CLSTN2: variants seen among roughly 807,000 people sequenced by gnomAD.
The protein encoded by CLSTN2 is calsyntenin 2.
A neutral mutation model predicts 101.2 loss-of-function variants in CLSTN2; 48 were observed. That is an observed-to-expected ratio of 0.47 (90% confidence interval 0.38 to 0.60). CLSTN2 has a LOEUF of 0.60. Among genes scored for constraint, CLSTN2 ranks in the 20% least tolerant of loss-of-function variants. The pLI is 0.00. For synonymous variants in CLSTN2, 481 were observed against 463.6 expected (o/e 1.04, Z -0.48); for missense variants, 1,160 against 1,238.2 (o/e 0.94, Z 0.95).
chr3:140,373,341 T>C (rs563747794), intron 2 of CLSTN2, among the ~76,000 whole-genome samples: 16 of 152,316 alleles, frequency 1.1e-4, no homozygotes, highest in African/African-American at 3.6e-4. Context: ...TAGAGAAAGA[T>C]GGCCTCTTCC....
rs932034256 is a variant in CLSTN2, at chr3:140,566,073, T to C, written c.2688T>C (p.His896=). 5 of 1,613,540 alleles carry C rather than the reference T, an allele frequency of 3.1e-6. No homozygotes were observed. The Admixed American group carries it at 6.7e-5, about 22-fold the overall frequency. The part of the protein sequence containing the change: ...NPMEKHEGPG[H]GEDETEGEEE... The stretch of plus-strand genomic sequence containing the variant: ...TCCAGAAACATGAAGGACCAGGGCA[T>C]GGGGAAGATGAGACTGAGGGAGAAG... The change falls in exon 17 of 17, where the codon CAT becomes CAC. Residue 896 remains histidine (H), a synonymous_variant. Transcript: ENST00000458420.
intron 2 of CLSTN2, among the ~76,000 whole-genome samples, chr3:140,274,978 C>G (rs930851057): frequency 2.6e-5 from 4 of 152,168 alleles, no homozygotes; most frequent in Admixed American, 6.5e-5. Context: ...CTTTGGAAGA[C>G]AGCTTTTGGG....
chr3:140,058,780 CAA>C (rs34697359), intron 1 of CLSTN2, among the ~76,000 whole-genome samples: 44 of 118,616 alleles, frequency 3.7e-4, no homozygotes, highest in Admixed American at 6.2e-4. Flanking sequence ...GGACCCATGA[CAA>C]AAAAAAAAAA....
chr3:140,274,715 A>C (rs1442555176), intron 2 of CLSTN2, among the ~76,000 whole-genome samples: 1 of 152,144 alleles, frequency 6.6e-6, no homozygotes, highest in Non-Finnish European at 1.5e-5. Flanking sequence ...TCTGGGCTCG[A>C]GAGGCAGTGG....
chr3:140,436,350 G>A (rs181477114), intron 5 of CLSTN2, among the ~76,000 whole-genome samples: 7 of 152,128 alleles, frequency 4.6e-5, no homozygotes, highest in Admixed American at 6.6e-5. Flanking sequence ...TGTCTTTTCC[G>A]CAGTGTATGT....
chr3:140,460,779 T>C (rs1265584984), intron 7 of CLSTN2, among the ~76,000 whole-genome samples: 1 of 152,194 alleles, frequency 6.6e-6, no homozygotes, highest in Non-Finnish European at 1.5e-5. Flanking sequence ...TTCTACAATT[T>C]CCCATTTCAA....
intron 1 of CLSTN2, among the ~76,000 whole-genome samples, chr3:140,122,926 C>T (rs993271057): frequency 7.9e-5 from 12 of 151,968 alleles, no homozygotes; most frequent in African/African-American, 2.9e-4. Flanking sequence ...GGCCATTGGG[C>T]CAAAGTTTGT....
At chr3:140,530,026 T>C (rs1422741509) in intron 8 of CLSTN2, among the ~76,000 whole-genome samples, 17 of 152,214 alleles carry the variant, frequency 1.1e-4, no homozygotes, top group Admixed American at 1.1e-3. Context: ...ATAATATGTA[T>C]CAAGAGTCTT....
In CLSTN2 at chr3:140,002,507, G is replaced by T. The variant is rs112992961; in HGVS notation, c.109+67024G>T. ...TGCAAATATTTTCTGCCATTATGTG[G>T]GTTGTCTCTTCATTTTGTTTATTGT... On this transcript the variant is annotated intron_variant, in intron 1 of 16. Coordinates refer to ENST00000458420, the MANE Select transcript of CLSTN2 (RefSeq NM_022131.3). Among the ~76,000 whole-genome samples the T allele has an allele frequency of 2.0e-3, 303 of 152,124 alleles. 1 individual carries two copies. Among genetic ancestry groups the T allele is most frequent in the African/African-American group, 6.8e-3 (283 of 41,500 alleles).
chr3:139,984,873 C>G (rs1310907304), intron 1 of CLSTN2, among the ~76,000 whole-genome samples: 1 of 152,180 alleles, frequency 6.6e-6, no homozygotes, highest in Non-Finnish European at 1.5e-5. Context: ...AAACAGAATG[C>G]TTCTTCCCCT....
At chr3:140,132,216 G>T (rs554020702) in intron 1 of CLSTN2, among the ~76,000 whole-genome samples, 1 of 152,158 alleles carries the variant, frequency 6.6e-6, no homozygotes, top group African/African-American at 2.4e-5. Context: ...ACTTTAAGGG[G>T]AAATGCCTTC....
At chr3:140,173,029 T>C (rs541074957) in intron 1 of CLSTN2, among the ~76,000 whole-genome samples, 1 of 152,156 alleles carries the variant, frequency 6.6e-6, no homozygotes, top group Admixed American at 6.5e-5. Context: ...TTCCCAACAG[T>C]CCCCCAAAGT....
chr3:140,176,926 A>AT (rs1454769129), intron 2 of CLSTN2, among the ~76,000 whole-genome samples: 1 of 152,128 alleles, frequency 6.6e-6, no homozygotes, highest in Non-Finnish European at 1.5e-5. Flanking sequence ...GATGAAGTCT[A>AT]TTTTTTTCTG....
intron 9 of CLSTN2, among the ~76,000 whole-genome samples, chr3:140,544,481 GC>G (rs956486110): frequency 3.9e-5 from 6 of 152,146 alleles, no homozygotes; most frequent in Admixed American, 2.0e-4. Context: ...CACCTGAGAA[GC>G]TTTTAAAACT....
chr3:140,333,562 C>T (rs1054192077), intron 2 of CLSTN2, among the ~76,000 whole-genome samples: 6 of 152,106 alleles, frequency 3.9e-5, no homozygotes, highest in African/African-American at 1.4e-4. Context: ...ACTATTTAGT[C>T]CCCTTCCTCC....
chr3:140,541,732 G>T (rs188891768), intron 9 of CLSTN2, among the ~76,000 whole-genome samples: 1 of 152,078 alleles, frequency 6.6e-6, no homozygotes, highest in Admixed American at 6.6e-5. Flanking sequence ...GGATGTCTTC[G>T]CCCCTTCCCT....
rs141054022 is a variant in CLSTN2, at chr3:140,091,482, C to T, written c.110-84469C>T. The stretch of plus-strand genomic sequence containing the variant: ...TAGAAAACACCAGAGCCTGCCTGGG[C>T]GGTATGTGGCAGTCACAGAAGCCCA... On this transcript the variant is annotated intron_variant, in intron 1 of 16. Transcript: ENST00000458420. 1.1e-3 allele frequency among the ~76,000 whole-genome samples: 161 copies of T among 152,248 alleles called. 1 individual carries two copies. Among genetic ancestry groups the T allele is most frequent in the African/African-American group, 3.7e-3 (154 of 41,546 alleles).
intron 1 of CLSTN2, among the ~76,000 whole-genome samples, chr3:140,138,294 C>T (rs981537491): frequency 3.3e-5 from 5 of 152,194 alleles, no homozygotes; most frequent in Admixed American, 6.5e-5. Flanking sequence ...GGGGGAAGAA[C>T]AACTTTGCTG....
At chr3:140,400,161 T>C (rs2088224129) in intron 2 of CLSTN2, among the ~76,000 whole-genome samples, 1 of 152,212 alleles carries the variant, frequency 6.6e-6, no homozygotes, top group Non-Finnish European at 1.5e-5. Context: ...AGGGGAAGTG[T>C]GGCCTCTTGG....
Sources: gnomAD v4.1 joint callset for allele counts (sites outside exome capture counted in the v4.1 genomes callset) on GRCh38, gnomAD v4.1.1 for gene constraint, MANE v1.5 for transcripts, NCBI Gene and HGNC (gene_info 2026-07-23, HGNC 2026-07-21) for gene names.